Variants in C14orf39 observed in about 807,000 individuals in gnomAD.
The protein encoded by C14orf39 is protein SIX6OS1.
In C14orf39, 66 loss-of-function variants were observed where a neutral mutation model predicts 85.6. The ratio of observed to expected loss-of-function variants is 0.77; its 90% CI spans 0.63 to 0.95. The LOEUF (loss-of-function observed/expected upper bound fraction) is 0.95. Ranked by LOEUF, C14orf39 falls within the 40% of genes least tolerant of loss-of-function variation. The pLI is 0.00. For synonymous variants in C14orf39, 242 were observed against 214.0 expected (o/e 1.13, Z -1.14); for missense variants, 735 against 663.9 (o/e 1.11, Z -1.18).
intron 16 of C14orf39, among the ~76,000 whole-genome samples, chr14:60,454,498 T>C (rs1348702597): frequency 6.6e-6 from 1 of 152,036 alleles, no homozygotes; most frequent in Non-Finnish European, 1.5e-5. Context: ...GTAATGTTTC[T>C]ACTTTTTGAA....
chr14:60,455,229 G>A (rs1319980029), intron 15 of C14orf39, 84 bp from the exon 16 acceptor site: 30 of 960,980 alleles, frequency 3.1e-5, no homozygotes, highest in Non-Finnish European at 4.0e-5. Context: ...ACAGCATAGA[G>A]GTGAGAATTA....
intron 1 of C14orf39, among the ~76,000 whole-genome samples, chr14:60,505,274 TTAAAAG>T (rs1165994545): frequency 6.6e-6 from 1 of 152,146 alleles, no homozygotes; most frequent in African/African-American, 2.4e-5. Context: ...TAGTAGTACT[TTAAAAG>T]TAGGATATTG....
chr14:60,452,527 G>A (rs1891085481), intron 16 of C14orf39, among the ~76,000 whole-genome samples: 1 of 151,978 alleles, frequency 6.6e-6, no homozygotes, highest in Non-Finnish European at 1.5e-5. Context: ...CTGGGGACAG[G>A]TGGGAATGGT....
intron 14 of C14orf39, among the ~76,000 whole-genome samples, chr14:60,458,163 A>G (rs1891362132): frequency 6.6e-6 from 1 of 151,978 alleles, no homozygotes; most frequent in Admixed American, 6.6e-5. Flanking sequence ...TTTGACAGGT[A>G]CAATAGATGG....
At chr14:60,470,633 T>TA (rs1892031737) in intron 7 of C14orf39, among the ~76,000 whole-genome samples, 1 of 151,564 alleles carries the variant, frequency 6.6e-6, no homozygotes, top group Non-Finnish European at 1.5e-5. Flanking sequence ...ACTGAGAAGT[T>TA]AAAGCGCAAA....
chr14:60,475,448 G>A (rs1892325526), intron 5 of C14orf39, among the ~76,000 whole-genome samples: 1 of 151,946 alleles, frequency 6.6e-6, no homozygotes, highest in South Asian at 2.1e-4. Flanking sequence ...AATCTAATCT[G>A]CCACCTATTT....
In C14orf39 at chr14:60,461,577, G is replaced by T; in HGVS notation, c.989C>A (p.Ala330Asp). Residue 330 changes from alanine to aspartate, a missense_variant, in exon 12 of 18, where the codon GCT becomes GAT. By Grantham distance (126) the Ala-to-Asp change is moderately radical. Coordinates refer to ENST00000321731, the MANE Select transcript of C14orf39 (RefSeq NM_174978.3). ...TGAACATTTTGAATGGTTATCCACA[G>T]CAGAGTCATTAAATATCTGAAAGAA... ...ENDTQIFNDS[A>D]VDNHSKCSHI... 1.3e-6 allele frequency: 2 copies of T among 1,559,470 alleles called. No individual in the cohort carries two copies. Among genetic ancestry groups the T allele is most frequent in the Non-Finnish European group, 8.6e-7 (1 of 1,157,872 alleles).
chr14:60,480,032 T>C (rs550961980), intron 4 of C14orf39, among the ~76,000 whole-genome samples: 12 of 152,288 alleles, frequency 7.9e-5, no homozygotes, highest in South Asian at 2.1e-4. Context: ...CCAACAGATA[T>C]ATGAAAAAAT....
intron 1 of C14orf39, among the ~76,000 whole-genome samples, 187 bp from the exon 2 acceptor site, chr14:60,485,273 C>G (rs1176449156): frequency 6.6e-6 from 1 of 152,200 alleles, no homozygotes; most frequent in South Asian, 2.1e-4. Context: ...CCAAGCCCAA[C>G]GAGCGCTTCA....
At position 60,483,494 on chromosome 14, in the gene C14orf39, T is replaced by G. The variant is rs991004697; in HGVS notation, c.233+197A>C. ...GTTAGATTAAGTGGATCTGAATTAG[T>G]GAGCTCTTATAGCTGTTTAGTTCTA... is the stretch of plus-strand genomic sequence containing the variant. On this transcript the variant is annotated intron_variant, in intron 4 of 17. Coordinates refer to ENST00000321731, the MANE Select transcript of C14orf39 (RefSeq NM_174978.3). Among the ~76,000 whole-genome samples the G allele has an allele frequency of 1.3e-5, 2 of 152,208 alleles. 1 individual carries two copies.
intron 17 of C14orf39, among the ~76,000 whole-genome samples, chr14:60,439,433 T>C (rs983220674): frequency 6.6e-6 from 1 of 151,990 alleles, no homozygotes; most frequent in Admixed American, 6.6e-5. Context: ...TCAATGAAAA[T>C]AGAAAATAAA....
intron 17 of C14orf39, among the ~76,000 whole-genome samples, chr14:60,441,517 A>G (rs1465036967): frequency 6.6e-6 from 1 of 152,236 alleles, no homozygotes; most frequent in African/African-American, 2.4e-5. Flanking sequence ...ACTGTTGTTT[A>G]GTGTACTATC....
Position 60,495,507 on chromosome 14 carries a change from G to T in C14orf39, c.-9+3789C>A, listed in dbSNP as rs57066418. 2.3e-3 allele frequency: 456 copies of T among 199,008 alleles called. 1 individual carries two copies. The highest frequency in any genetic ancestry group is 0.01 in the African/African-American group (436 of 43,132). 12.3% of individuals were successfully genotyped at this position (199,008 alleles called of 1,614,324 possible). A position where few individuals can be genotyped will look rare whatever the true frequency, so the allele number is the denominator to read the frequency against. On this transcript the variant is annotated intron_variant, in intron 2 of 5. Transcript: ENST00000556799. The stretch of plus-strand genomic sequence containing the variant: ...TCCCTGTTACAAAGACAAGTTGGCT[G>T]CCTAAAGAGAGACTCAATTCATCTA...
intron 4 of C14orf39, 71 bp downstream of exon 4, chr14:60,483,620 T>C (rs1892741740): frequency 4.5e-6 from 6 of 1,325,690 alleles, no homozygotes; most frequent in Admixed American, 2.3e-5. Flanking sequence ...TTGAAGGAAG[T>C]ATCTTCAACT....
At chr14:60,513,529 T>C (rs1053771205) in intron 1 of C14orf39, among the ~76,000 whole-genome samples, 6 of 152,184 alleles carry the variant, frequency 3.9e-5, no homozygotes, top group Admixed American at 3.3e-4. Context: ...GGATATCCAC[T>C]CTTGTTCCCC....
In C14orf39 at chr14:60,455,056, G is replaced by C. The variant is rs767076315; in HGVS notation, c.1448C>G (p.Pro483Arg). 1.3e-6 allele frequency: 2 copies of C among 1,580,380 alleles called. No homozygotes were observed. Among genetic ancestry groups the C allele is most frequent in the Non-Finnish European group, 8.6e-7 (1 of 1,167,094 alleles). ...AGAAGAATCAAATAAATTCAATCCAGGTGATCTAGAAGTATAACTCATAAG... is the reference window on the plus strand; with the variant it reads ...AGAAGAATCAAATAAATTCAATCCACGTGATCTAGAAGTATAACTCATAAG... Reference protein sequence around the residue: ...SFLMSYTSRSPGLNLFDSSVF... With the variant: ...SFLMSYTSRSRGLNLFDSSVF... Residue 483 changes from proline (P) to arginine (R), a missense_variant, in exon 16 of 18, where the codon CCT becomes CGT. By Grantham distance (103) the Pro-to-Arg change is moderately radical. Coordinates refer to ENST00000321731, the MANE Select transcript of C14orf39 (RefSeq NM_174978.3).
intron 14 of C14orf39, among the ~76,000 whole-genome samples, chr14:60,457,382 C>A (rs1001882996): frequency 6.6e-6 from 1 of 151,790 alleles, no homozygotes. Context: ...AAAAAAAAGA[C>A]TAGGAATGAT....
At chr14:60,507,334 G>C (rs913136541) in intron 1 of C14orf39, among the ~76,000 whole-genome samples, 6 of 152,196 alleles carry the variant, frequency 3.9e-5, no homozygotes, top group African/African-American at 1.4e-4. Context: ...ATTCTCCTCC[G>C]CCTGCGTGTT....
At position 60,478,970 on chromosome 14, in the gene C14orf39, A is replaced by G. The variant is rs568456229; in HGVS notation, c.234-581T>C. 4.6e-5 allele frequency among the ~76,000 whole-genome samples: 7 copies of G among 152,210 alleles called. No homozygotes were observed. In the East Asian group the frequency reaches 1.4e-3, roughly 29 times the overall value. On this transcript the variant is annotated intron_variant, in intron 4 of 17. Coordinates refer to ENST00000321731, the MANE Select transcript of C14orf39 (RefSeq NM_174978.3). ...TAACTTGAAAGAATATTACCAATAC[A>G]AAAAAATATAAAATTAATATATACC...
Sources: allele counts gnomAD v4.1 joint callset (sites outside exome capture counted in the v4.1 genomes callset), GRCh38; gene constraint gnomAD v4.1.1; transcripts MANE v1.5; gene names NCBI Gene and HGNC (gene_info 2026-07-23, HGNC 2026-07-21).